The following LYST variants were observed in gnomAD, a reference collection of about 807,000 sequenced individuals.
LYST encodes the protein lysosomal trafficking regulator.
A neutral mutation model predicts 413.6 loss-of-function variants in LYST; 192 were observed. That is an observed-to-expected ratio of 0.46 (90% confidence interval 0.41 to 0.52). The LOEUF is 0.52. Among genes scored for constraint, LYST ranks in the 20% least tolerant of loss-of-function variants. The pLI, the probability that LYST is intolerant of heterozygous loss-of-function variation, is 0.00. For missense variants in LYST, 3,815 were observed against 4,499.9 expected (o/e 0.85, Z 4.35); for synonymous variants, 1,525 against 1,567.3 (o/e 0.97, Z 0.64).
intron 28 of LYST, among the ~76,000 whole-genome samples, chr1:235,747,681 G>A (rs898483513): frequency 1.3e-5 from 2 of 152,164 alleles, no homozygotes; most frequent in African/African-American, 4.8e-5. Context: ...TTGTAATTCA[G>A]CGGTATGATA....
chr1:235,814,786 A>G (rs965332041), intron 3 of LYST, among the ~76,000 whole-genome samples: 1 of 152,154 alleles, frequency 6.6e-6, no homozygotes, highest in African/African-American at 2.4e-5. Context: ...TCTTCAAAAA[A>G]GGGGTTTAGT....
At chr1:235,769,641 T>C (rs535988916) in intron 20 of LYST, among the ~76,000 whole-genome samples, 1 of 151,732 alleles carries the variant, frequency 6.6e-6, no homozygotes, top group African/African-American at 2.4e-5. Context: ...ATGATATCAA[T>C]AAAGGCAGAG....
chr1:235,723,132 G>A (rs1306716018), intron 39 of LYST, among the ~76,000 whole-genome samples: 1 of 152,162 alleles, frequency 6.6e-6, no homozygotes, highest in East Asian at 1.9e-4. Context: ...CAAGAGTTTT[G>A]GCCTGGGCAT....
intron 44 of LYST, among the ~76,000 whole-genome samples, chr1:235,705,000 C>T (rs1661862240): frequency 6.6e-6 from 1 of 152,162 alleles, no homozygotes; most frequent in Non-Finnish European, 1.5e-5. Flanking sequence ...TCTCTACATG[C>T]CTTTTTAAAA....
At chr1:235,747,534 CA>C (rs141905339) in intron 28 of LYST, among the ~76,000 whole-genome samples, 4,154 of 140,010 alleles carry the variant, frequency 0.03, 166 homozygotes, top group African/African-American at 0.1. Flanking sequence ...ACTTTTGAGG[CA>C]AAAAAAAAAG....
Position 235,801,098 on chromosome 1 carries a change from C to CT in LYST, c.3713-2dup. 1 of 1,576,944 alleles carries CT rather than the reference C, an allele frequency of 6.3e-7. No homozygotes were observed. Among genetic ancestry groups the CT allele is most frequent in the Non-Finnish European group, 8.7e-7 (1 of 1,147,100 alleles). ...TCTGTTTCAGACTTTAAGTCTACCCCTGAAAAGAGAAAAGCGAAAGATTAC... is the reference window on the plus strand; with the variant it reads ...TCTGTTTCAGACTTTAAGTCTACCCCTTGAAAAGAGAAAAGCGAAAGATTAC... On this transcript the variant is annotated splice_acceptor_variant, in intron 8 of 52. Transcript: ENST00000389793. LOFTEE classifies it high-confidence loss of function.
At position 235,662,875 on chromosome 1, in the gene LYST, C is replaced by T; in HGVS notation, c.*65G>A. 1.1e-6 allele frequency: 1 copy of T among 901,394 alleles called. No homozygotes were observed. The highest frequency in any genetic ancestry group is 1.3e-5 in the South Asian group (1 of 76,846). The allele number at this position is 901,394 out of a possible 1,614,324, so 55.8% of individuals were successfully genotyped here. A position where few individuals can be genotyped will look rare whatever the true frequency, so the allele number is the denominator to read the frequency against. On this transcript the variant is annotated 3_prime_UTR_variant, in exon 53 of 53. Coordinates refer to ENST00000389793, the MANE Select transcript of LYST (RefSeq NM_000081.4). Reference sequence around the variant, plus strand: ...TTTCTTTAGGTTCAACCTCCTAAAACTGGTGAAGTCAACAAATCTAGTTTG... The same window carrying T: ...TTTCTTTAGGTTCAACCTCCTAAAATTGGTGAAGTCAACAAATCTAGTTTG...
chr1:235,776,902 T>C (rs949839369), intron 17 of LYST, among the ~76,000 whole-genome samples, 161 bp downstream of exon 17: 16 of 152,170 alleles, frequency 1.1e-4, no homozygotes, highest in Non-Finnish European at 1.6e-4. Flanking sequence ...TAATCATCTA[T>C]GGCAGAAAGC....
intron 1 of LYST, among the ~76,000 whole-genome samples, chr1:235,861,360 G>A (rs999097395): frequency 6.6e-6 from 1 of 152,194 alleles, no homozygotes; most frequent in Non-Finnish European, 1.5e-5. Context: ...GACCTGGAAA[G>A]CCTTCAACAT....
intron 3 of LYST, chr1:235,828,680 C>T (rs549275763): frequency 1.4e-5 from 9 of 639,512 alleles, no homozygotes; most frequent in Non-Finnish European, 1.7e-5. Flanking sequence ...ATTACTGATG[C>T]TATTTATATG....
At chr1:235,840,289 AG>A (rs1045488546) in intron 1 of LYST, 1 of 152,262 alleles carries the variant, frequency 6.6e-6, no homozygotes, top group African/African-American at 2.4e-5. Context: ...GTACAGGTAA[AG>A]GGAGAAAAGA....
chr1:235,699,699 T>C (rs1248570563), intron 45 of LYST, among the ~76,000 whole-genome samples: 2 of 152,178 alleles, frequency 1.3e-5, no homozygotes, highest in Non-Finnish European at 2.9e-5. Context: ...CCACTAACGG[T>C]GTAAAAGCGT....
intron 43 of LYST, 122 bp downstream of exon 43, chr1:235,711,935 T>C (rs113655862): frequency 4.5e-5 from 29 of 642,422 alleles, no homozygotes; most frequent in African/African-American, 1.1e-4. Context: ...ATAAAAAACA[T>C]TTTCTCTTAT....
At chr1:235,707,130 G>A (rs1662051802) in intron 44 of LYST, among the ~76,000 whole-genome samples, 1 of 152,042 alleles carries the variant, frequency 6.6e-6, no homozygotes, top group African/African-American at 2.4e-5. Flanking sequence ...TTTCCTTTCA[G>A]CGGCCTCATT....
Position 235,698,701 on chromosome 1 carries a change from C to T in LYST, c.10375-1429G>A, listed in dbSNP as rs550124116. On this transcript the variant is annotated intron_variant, in intron 45 of 52. Coordinates refer to ENST00000389793, the MANE Select transcript of LYST (RefSeq NM_000081.4). ...CCTGGTTAACATGGTGAAACCCTGT[C>T]TCTACTAAAAATACAAAAAAATTTA... 2.0e-5 allele frequency among the ~76,000 whole-genome samples: 3 copies of T among 152,182 alleles called. No individual in the cohort carries two copies. In the South Asian group the frequency reaches 6.2e-4, roughly 32 times the overall value.
intron 8 of LYST, among the ~76,000 whole-genome samples, chr1:235,802,193 C>CAAAAAAAAA (rs35511208): frequency 2.2e-5 from 1 of 45,074 alleles, no homozygotes. Flanking sequence ...GACTCCATTT[C>CAAAAAAAAA]AAAAAAAAAA....
chr1:235,701,875 A>T (rs574627212), intron 45 of LYST, among the ~76,000 whole-genome samples: 15 of 152,250 alleles, frequency 9.9e-5, no homozygotes, highest in Non-Finnish European at 2.2e-4. Flanking sequence ...CATTTGACAT[A>T]TGTGAGCTAT....
intron 34 of LYST, among the ~76,000 whole-genome samples, chr1:235,731,833 C>T (rs1479413438): frequency 6.6e-6 from 1 of 152,150 alleles, no homozygotes; most frequent in African/African-American, 2.4e-5. Flanking sequence ...GTTGGGATTA[C>T]AGGCGTGAGC....
At chr1:235,785,109 T>G (rs191518313) in intron 14 of LYST, among the ~76,000 whole-genome samples, 1 of 152,300 alleles carries the variant, frequency 6.6e-6, no homozygotes, top group Non-Finnish European at 1.5e-5. Context: ...TGCAGCCTCC[T>G]GCAGTGATGC....
Sources: allele counts gnomAD v4.1 joint callset (sites outside exome capture counted in the v4.1 genomes callset), GRCh38; gene constraint gnomAD v4.1.1; transcripts MANE v1.5; gene names NCBI Gene and HGNC (gene_info 2026-07-23, HGNC 2026-07-21).